Variants in ANKFN1 observed in about 807,000 individuals in gnomAD.
The protein encoded by ANKFN1 is ankyrin repeat and fibronectin type III domain containing 1, also known as ankyrin repeat and fibronectin type-III domain-containing protein 1.
In ANKFN1, 74 loss-of-function variants were observed where a neutral mutation model predicts 108.7. The ratio of observed to expected loss-of-function variants is 0.68; its 90% CI spans 0.56 to 0.83. The LOEUF (loss-of-function observed/expected upper bound fraction) is 0.83. Ranked by LOEUF, ANKFN1 falls within the 40% of genes least tolerant of loss-of-function variation. The pLI, the probability that ANKFN1 is intolerant of heterozygous loss-of-function variation, is 0.00. For missense variants in ANKFN1, 1,505 were observed against 1,382.3 expected (o/e 1.09, Z -1.41); for synonymous variants, 547 against 516.2 (o/e 1.06, Z -0.81).
intron 4 of ANKFN1, among the ~76,000 whole-genome samples, chr17:56,075,100 A>C (rs1182560608): frequency 6.6e-6 from 1 of 152,222 alleles, no homozygotes; most frequent in Non-Finnish European, 1.5e-5. Context: ...CCTCAAGCCC[A>C]GTACTATTGC....
At chr17:56,377,310 T>C (rs1220836772) in intron 8 of ANKFN1, among the ~76,000 whole-genome samples, 4 of 152,238 alleles carry the variant, frequency 2.6e-5, no homozygotes, top group Non-Finnish European at 4.4e-5. Context: ...TGTTGACATC[T>C]TTTTAAGAGC....
chr17:56,081,637 G>A (rs1183213310), intron 4 of ANKFN1, among the ~76,000 whole-genome samples: 2 of 152,196 alleles, frequency 1.3e-5, no homozygotes, highest in Non-Finnish European at 2.9e-5. Context: ...ACAGGCATAA[G>A]CCACTGCACC....
chr17:56,215,051 G>T (rs1243285337), intron 2 of ANKFN1, among the ~76,000 whole-genome samples: 1 of 152,178 alleles, frequency 6.6e-6, no homozygotes, highest in Non-Finnish European at 1.5e-5. Context: ...TATCTCTGAA[G>T]ATTTCCTGCA....
At chr17:56,253,478 C>A (rs1294208430) in intron 3 of ANKFN1, among the ~76,000 whole-genome samples, 1 of 152,142 alleles carries the variant, frequency 6.6e-6, no homozygotes, top group Admixed American at 6.5e-5. Context: ...TGGTTCACAC[C>A]CATAATCCCA....
chr17:56,245,938 G>A (rs1254930723), intron 3 of ANKFN1: 1 of 152,026 alleles, frequency 6.6e-6, no homozygotes, highest in East Asian at 1.9e-4. Context: ...TCTACCAAAA[G>A]GTCAAAGAGA....
chr17:56,326,188 A>C, intron 3 of ANKFN1, 33 bp from the exon 4 acceptor site: 3 of 1,595,100 alleles, frequency 1.9e-6, no homozygotes, highest in Non-Finnish European at 2.6e-6. Context: ...TCTTGCCTGT[A>C]GTGATCCTGT....
At chr17:56,347,895 T>C (rs550183882) in intron 4 of ANKFN1, among the ~76,000 whole-genome samples, 3 of 152,132 alleles carry the variant, frequency 2.0e-5, no homozygotes, top group African/African-American at 7.2e-5. Context: ...ATTTGATCAA[T>C]AGACAAGAAT....
chr17:56,074,089 G>T (rs1905151858), intron 4 of ANKFN1, among the ~76,000 whole-genome samples: 1 of 152,174 alleles, frequency 6.6e-6, no homozygotes, highest in Non-Finnish European at 1.5e-5. Context: ...TTCTTGGTAG[G>T]AGGTTTTTGA....
intron 1 of ANKFN1, among the ~76,000 whole-genome samples, chr17:56,195,744 C>T (rs1598216596): frequency 6.6e-6 from 1 of 152,174 alleles, no homozygotes; most frequent in East Asian, 1.9e-4. Context: ...GTATTATTCT[C>T]TTTGCTCTGC....
chr17:56,049,454 A>G lies in ANKFN1; in HGVS notation c.288+3129A>G, dbSNP rs534463959. ...TGTGCACATTGTGCAGGTTAGTTAC[A>G]TATGTATACATGTGCCATGCTGGTG... On this transcript the variant is annotated intron_variant, in intron 4 of 12. Transcript: ENST00000635860. 1.7e-3 allele frequency among the ~76,000 whole-genome samples: 258 copies of G among 151,836 alleles called. 1 individual carries two copies. The highest frequency in any genetic ancestry group is 6.0e-3 in the African/African-American group (248 of 41,354).
intron 1 of ANKFN1, among the ~76,000 whole-genome samples, chr17:56,179,635 G>C (rs1177899759): frequency 6.6e-6 from 1 of 152,198 alleles, no homozygotes; most frequent in African/African-American, 2.4e-5. Flanking sequence ...TCTGAGGCAT[G>C]AATTTTAATC....
chr17:56,073,287 C>T (rs1222867053), intron 4 of ANKFN1, among the ~76,000 whole-genome samples: 18 of 152,216 alleles, frequency 1.2e-4, no homozygotes, highest in African/African-American at 3.1e-4. Context: ...CCACCGCGCC[C>T]GGCCTATTAT....
chr17:56,228,228 T>G (rs936609136), intron 3 of ANKFN1: 2 of 370,864 alleles, frequency 5.4e-6, no homozygotes, highest in Admixed American at 4.6e-5. Flanking sequence ...GCAATATTCA[T>G]TTATATATTA....
intron 3 of ANKFN1, among the ~76,000 whole-genome samples, chr17:56,248,077 T>G (rs1227166877): frequency 6.6e-6 from 1 of 152,176 alleles, no homozygotes; most frequent in Non-Finnish European, 1.5e-5. Flanking sequence ...GAAGACAGAT[T>G]AAAAGAAGTA....
chr17:56,498,693 A>T (rs2051276596), intron 19 of ANKFN1, among the ~76,000 whole-genome samples, 189 bp from the exon 20 acceptor site: 1 of 152,212 alleles, frequency 6.6e-6, no homozygotes, highest in African/African-American at 2.4e-5. Flanking sequence ...TCTCTGGTAA[A>T]AATACGCAAA....
At chr17:56,389,605 A>G (rs373821893) in intron 8 of ANKFN1, among the ~76,000 whole-genome samples, 85 of 152,340 alleles carry the variant, frequency 5.6e-4, no homozygotes, top group African/African-American at 1.9e-3. Flanking sequence ...TTAAGCCAAC[A>G]CTTGTGGAAG....
At chr17:56,313,375 A>G (rs1385750719) in intron 3 of ANKFN1, among the ~76,000 whole-genome samples, 5 of 152,176 alleles carry the variant, frequency 3.3e-5, no homozygotes, top group African/African-American at 1.2e-4. Context: ...TCAGGGCACA[A>G]ACAAGCCTGG....
chr17:56,276,538 G>A (rs182349568), intron 3 of ANKFN1, among the ~76,000 whole-genome samples: 35 of 152,204 alleles, frequency 2.3e-4, no homozygotes, highest in Admixed American at 7.8e-4. Context: ...TTTAATGATC[G>A]CCATTCTAAC....
chr17:56,118,337 G>A (rs11079211), intron 4 of ANKFN1, among the ~76,000 whole-genome samples: 1 of 151,916 alleles, frequency 6.6e-6, no homozygotes, highest in Non-Finnish European at 1.5e-5. Context: ...CCACAACATA[G>A]TACATTTCCA....
Sources: allele counts gnomAD v4.1 joint callset (sites outside exome capture counted in the v4.1 genomes callset), GRCh38; gene constraint gnomAD v4.1.1; transcripts MANE v1.5; gene names NCBI Gene and HGNC (gene_info 2026-07-23, HGNC 2026-07-21).